Variants in HAT1 observed in about 807,000 individuals in gnomAD.
HAT1 encodes the protein histone acetyltransferase type B catalytic subunit.
HAT1 carries 20 observed loss-of-function variants against 56.6 expected under a neutral mutation model. That is an observed-to-expected ratio of 0.35 (90% CI 0.25 to 0.51). HAT1 has a LOEUF of 0.51. Ranked by LOEUF, HAT1 falls within the 20% of genes least tolerant of loss-of-function variation. The pLI, the probability that HAT1 is intolerant of heterozygous loss-of-function variation, is 0.95. For synonymous variants in HAT1, 146 were observed against 165.5 expected (o/e 0.88, Z 0.91); for missense variants, 408 against 504.3 (o/e 0.81, Z 1.83).
At chr2:171,924,776 A>T (rs1686539916) in intron 1 of HAT1, 1 of 152,190 alleles carries the variant, frequency 6.6e-6, no homozygotes, top group South Asian at 2.1e-4. Context: ...TTCTTGAGAC[A>T]TTCCATGCAT....
chr2:171,926,642 C>A (rs185410161), intron 2 of HAT1, among the ~76,000 whole-genome samples: 1 of 152,074 alleles, frequency 6.6e-6, no homozygotes, highest in African/African-American at 2.4e-5. Context: ...TGTGTCCAGG[C>A]TCATCTTGAA....
At chr2:171,974,197 AAAAG>A (rs1687900625) in intron 8 of HAT1, among the ~76,000 whole-genome samples, 4 of 82,334 alleles carry the variant, frequency 4.9e-5, no homozygotes, top group South Asian at 5.1e-4. Context: ...AAAAAAGAAA[AAAAG>A]AAAAAGAAAA....
chr2:171,966,090 T>TA (rs1386942352), intron 6 of HAT1, 182 bp downstream of exon 6: 1 of 604,486 alleles, frequency 1.7e-6, no homozygotes, highest in Non-Finnish European at 2.9e-6. Flanking sequence ...AGAGCTGAAT[T>TA]AAATGCTGTT....
chr2:171,966,124 G>C (rs147062013), intron 6 of HAT1: 10,601 of 591,850 alleles, frequency 0.018, 154 homozygotes, highest in Middle Eastern at 0.062. Flanking sequence ...CTGAATGTAG[G>C]CTTAAACAGT....
intron 8 of HAT1, among the ~76,000 whole-genome samples, chr2:171,970,496 C>CTTTTTTTTTTTTTTTTTTTTTTTTTTTT (rs61462189): frequency 1.3e-5 from 1 of 74,978 alleles, no homozygotes; most frequent in Non-Finnish European, 2.2e-5. Flanking sequence ...AATGCAGTTT[C>CTTTTTTTTTTTTTTTTTTTTTTTTTTTT]TTTTTTTTTT....
chr2:171,967,060 G>C, intron 8 of HAT1, 111 bp downstream of exon 8: 1 of 604,924 alleles, frequency 1.7e-6, no homozygotes, highest in East Asian at 2.8e-5. Flanking sequence ...TTTTCCTAGG[G>C]TGTTTAAGCC....
chr2:171,923,778 T>G (rs1686505296), intron 1 of HAT1: 1 of 152,208 alleles, frequency 6.6e-6, no homozygotes, highest in Non-Finnish European at 1.5e-5. Context: ...TACATCTAAA[T>G]TCGAATTTTG....
intron 7 of HAT1, 105 bp downstream of exon 7, chr2:171,966,618 C>A (rs1687689562): frequency 4.3e-6 from 3 of 694,160 alleles, no homozygotes; most frequent in South Asian, 1.6e-5. Flanking sequence ...AAAAAAAAAT[C>A]ACTATTATTC....
At chr2:171,953,515 T>G (rs1687363102) in intron 4 of HAT1, among the ~76,000 whole-genome samples, 1 of 151,020 alleles carries the variant, frequency 6.6e-6, no homozygotes, top group Non-Finnish European at 1.5e-5. Context: ...CCTCAGCTAC[T>G]TGGGAGGCTG....
intron 2 of HAT1, among the ~76,000 whole-genome samples, chr2:171,926,234 C>T (rs554935834): frequency 1.3e-5 from 2 of 152,280 alleles, no homozygotes; most frequent in African/African-American, 4.8e-5. Context: ...CCTTCTGCCT[C>T]AGCCTGCCAG....
intron 2 of HAT1, among the ~76,000 whole-genome samples, chr2:171,936,693 A>G (rs1230965895): frequency 6.6e-6 from 1 of 152,166 alleles, no homozygotes; most frequent in Non-Finnish European, 1.5e-5. Context: ...GCTGATGGGA[A>G]TGTTGCCAGC....
intron 2 of HAT1, among the ~76,000 whole-genome samples, chr2:171,943,239 T>C (rs1687068745): frequency 6.6e-6 from 1 of 151,026 alleles, no homozygotes; most frequent in East Asian, 1.9e-4. Context: ...CCGTCTCTAC[T>C]AAAAATACAA....
chr2:171,965,797 C>T lies in HAT1; in HGVS notation c.500C>T (p.Thr167Ile). The change falls in exon 6 of 11, where the codon ACA becomes ATA. Residue 167 changes from threonine (T) to isoleucine (I), a missense_variant. By Grantham distance (89) the Thr-to-Ile change is moderately conservative. Transcript: ENST00000264108. ...FTFQIYKADMTCRGFREYHER... is the reference protein window; with the variant it reads ...FTFQIYKADMICRGFREYHER... ...TGGCTTTTTCCCTAGGCTGACATGACATGTAGAGGCTTTCGAGAATATCAT... is the reference window on the plus strand; with the variant it reads ...TGGCTTTTTCCCTAGGCTGACATGATATGTAGAGGCTTTCGAGAATATCAT... 6.2e-7 allele frequency: 1 copy of T among 1,613,192 alleles called. No individual in the cohort carries two copies. The highest frequency in any genetic ancestry group is 8.5e-7 in the Non-Finnish European group (1 of 1,179,428).
chr2:171,949,712 C>G (rs532679449), intron 3 of HAT1, among the ~76,000 whole-genome samples: 26 of 151,602 alleles, frequency 1.7e-4, no homozygotes, highest in African/African-American at 5.1e-4. Context: ...AGATGGGGGT[C>G]TTCCTATGTT....
intron 1 of HAT1, chr2:171,923,781 G>A (rs764618115): frequency 6.6e-6 from 1 of 152,298 alleles, no homozygotes; most frequent in East Asian, 1.9e-4. Flanking sequence ...ATCTAAATTC[G>A]AATTTTGGGC....
chr2:171,944,073 G>T (rs957734499), intron 2 of HAT1, among the ~76,000 whole-genome samples: 4 of 151,668 alleles, frequency 2.6e-5, no homozygotes, highest in African/African-American at 9.7e-5. Flanking sequence ...TTGAGCCCAG[G>T]ATTTCAAGGT....
rs1006879819 is a variant in HAT1, at chr2:171,965,877, G to A, written c.580G>A (p.Val194Met). The A allele has an allele frequency of 9.9e-6, 16 of 1,612,746 alleles. No homozygotes were observed. Among genetic ancestry groups the A allele is most frequent in the Non-Finnish European group, 1.2e-5 (14 of 1,178,964 alleles). ...WFIETASFID[V>M]DDERWHYFLV... ...TATTGAAACTGCTAGCTTTATTGAC[G>A]TGGATGATGAAAGATGGCACTACTT... Residue 194 changes from valine to methionine, a missense_variant, in exon 6 of 11, where the codon GTG becomes ATG. Transcript: ENST00000264108.
chr2:171,976,308 G>T lies in HAT1; in HGVS notation c.975G>T (p.Lys325Asn). ...CACAACAGAAGTTCAAAATAAATAA[G>T]GTATTTTTATTCTGTAGGAGGAAAA... The part of the protein sequence containing the change: ...IEAQQKFKIN[K>N]QHARRVYEIL... The change falls in exon 9 of 11, where the codon AAG (lysine) becomes AAT (asparagine). Residue 325 changes from lysine (K) to asparagine (N), a missense_variant and splice_region_variant. Lys to Asn is a moderately conservative substitution (Grantham distance 94). Coordinates refer to ENST00000264108, the MANE Select transcript of HAT1 (RefSeq NM_003642.4). The T allele has an allele frequency of 1.3e-6, 2 of 1,533,058 alleles. No homozygotes were observed. Among genetic ancestry groups the T allele is most frequent in the South Asian group, 2.5e-5 (2 of 79,144 alleles). 95.0% of individuals were successfully genotyped at this position (1,533,058 alleles called of 1,614,324 possible).
intron 4 of HAT1, among the ~76,000 whole-genome samples, chr2:171,959,001 T>C (rs140722204): frequency 1.2e-3 from 178 of 152,316 alleles, no homozygotes; most frequent in African/African-American, 4.1e-3. Context: ...TGTGTGTTTT[T>C]CCCCACTTCC....
Sources: gnomAD v4.1 joint callset for allele counts (sites outside exome capture counted in the v4.1 genomes callset) on GRCh38, gnomAD v4.1.1 for gene constraint, MANE v1.5 for transcripts, NCBI Gene and HGNC (gene_info 2026-07-23, HGNC 2026-07-21) for gene names.